PLCL2: variants seen among roughly 807,000 people sequenced by gnomAD.
PLCL2 encodes inactive phospholipase C-like protein 2.
Under a neutral mutation model 79.6 loss-of-function variants are expected in PLCL2, and 4 were observed. That is an observed-to-expected ratio of 0.05 (90% CI 0.02 to 0.11). The LOEUF (loss-of-function observed/expected upper bound fraction) is 0.11. Among genes scored for constraint, PLCL2 ranks in the 10% least tolerant of loss-of-function variants. The probability of loss-of-function intolerance (pLI) is 1.00; values close to 1 mark genes in which losing one functional copy is unlikely to be tolerated. For missense variants in PLCL2, 895 were observed against 1,291.0 expected, an observed-to-expected ratio of 0.69 and a Z score of 4.70; for synonymous variants, 484 against 457.7, an observed-to-expected ratio of 1.06 and a Z score of -0.73.
chr3:16,917,887 A>G (rs1459920683), intron 1 of PLCL2, among the ~76,000 whole-genome samples: 2 of 152,178 alleles, frequency 1.3e-5, no homozygotes, highest in Non-Finnish European at 2.9e-5. Context: ...TGTGGTGGTC[A>G]TCTTGGGAAC....
intron 1 of PLCL2, among the ~76,000 whole-genome samples, chr3:16,995,409 C>T (rs2064143749): frequency 1.3e-5 from 2 of 152,172 alleles, no homozygotes; most frequent in Admixed American, 1.3e-4. Context: ...GTCTGCAGCC[C>T]AGGAACGTGC....
At chr3:16,888,826 T>A (rs755276923) in intron 1 of PLCL2, among the ~76,000 whole-genome samples, 10 of 152,214 alleles carry the variant, frequency 6.6e-5, no homozygotes, top group Non-Finnish European at 1.5e-4. Context: ...GATGATTTAG[T>A]CAGAACTAGT....
At chr3:16,915,578 A>G (rs1696974637) in intron 1 of PLCL2, among the ~76,000 whole-genome samples, 1 of 152,054 alleles carries the variant, frequency 6.6e-6, no homozygotes. Context: ...TGCTGCTCTC[A>G]TATTTTTCCT....
At chr3:17,007,914 A>C (rs984434466) in intron 1 of PLCL2, among the ~76,000 whole-genome samples, 2 of 152,230 alleles carry the variant, frequency 1.3e-5, no homozygotes, top group African/African-American at 4.8e-5. Context: ...ACTGAAAGGC[A>C]GTATCATCTT....
intron 1 of PLCL2, among the ~76,000 whole-genome samples, chr3:16,906,731 A>G (rs959367544): frequency 1.1e-4 from 16 of 152,198 alleles, no homozygotes; most frequent in African/African-American, 3.6e-4. Context: ...AATAACTTGT[A>G]TGTCTTTTCC....
chr3:17,069,910 G>T (rs2065046609), intron 5 of PLCL2, among the ~76,000 whole-genome samples: 1 of 152,100 alleles, frequency 6.6e-6, no homozygotes, highest in Non-Finnish European at 1.5e-5. Flanking sequence ...GCAAACATAA[G>T]AATTTACAAC....
intron 1 of PLCL2, among the ~76,000 whole-genome samples, chr3:16,908,699 T>C (rs1412080465): frequency 1.3e-5 from 2 of 152,010 alleles, no homozygotes; most frequent in South Asian, 2.1e-4. Flanking sequence ...GTGACAAAGG[T>C]TGGCAGTCTG....
At chr3:16,994,831 C>T (rs1179964811) in intron 1 of PLCL2, among the ~76,000 whole-genome samples, 1 of 152,152 alleles carries the variant, frequency 6.6e-6, no homozygotes, top group Admixed American at 6.5e-5. Flanking sequence ...CTCACCACAG[C>T]TCCGTTATTA....
In PLCL2 at chr3:17,034,807, A is replaced by G. The variant is rs546650147; in HGVS notation, c.3019-8067A>G. Reference sequence around the variant, plus strand: ...TTGTTCACTGAAAGTCGCAGTTTCCAAGAAGCTGTCCATGTTAAGAGAAGA... The same window carrying G: ...TTGTTCACTGAAAGTCGCAGTTTCCGAGAAGCTGTCCATGTTAAGAGAAGA... On this transcript the variant is annotated intron_variant, in intron 3 of 5. Transcript: ENST00000615277. Among the ~76,000 whole-genome samples the G allele has an allele frequency of 2.4e-4, 37 of 152,308 alleles. 3 individuals carry two copies. In the South Asian group the frequency reaches 6.8e-3, roughly 28 times the overall value.
intron 1 of PLCL2, among the ~76,000 whole-genome samples, chr3:16,938,209 T>C (rs1697589861): frequency 6.6e-6 from 1 of 152,208 alleles, no homozygotes; most frequent in Non-Finnish European, 1.5e-5. Flanking sequence ...TTGATGATTT[T>C]ATAAAGCTTT....
chr3:17,049,410 T>C (rs1409830577), intron 4 of PLCL2, among the ~76,000 whole-genome samples: 1 of 152,218 alleles, frequency 6.6e-6, no homozygotes, highest in Non-Finnish European at 1.5e-5. Flanking sequence ...GCAGATAATA[T>C]GATCTTATGT....
chr3:17,062,407 T>A (rs192220077), intron 4 of PLCL2, among the ~76,000 whole-genome samples: 2 of 152,344 alleles, frequency 1.3e-5, no homozygotes, highest in African/African-American at 4.8e-5. Flanking sequence ...GGTTTTCAAA[T>A]GAAGTTTTTT....
intron 1 of PLCL2, among the ~76,000 whole-genome samples, chr3:16,983,692 T>C (rs1575570569): frequency 6.6e-6 from 1 of 152,288 alleles, no homozygotes; most frequent in African/African-American, 2.4e-5. Context: ...ATGGTGAGAA[T>C]TGTCCACTAC....
At chr3:17,000,557 C>G (rs930670606) in intron 1 of PLCL2, among the ~76,000 whole-genome samples, 1 of 151,870 alleles carries the variant, frequency 6.6e-6, no homozygotes, top group Non-Finnish European at 1.5e-5. Flanking sequence ...CATTTTATAC[C>G]CATTAACCAT....
chr3:17,028,203 C>G (rs1172030907), intron 3 of PLCL2, among the ~76,000 whole-genome samples: 1 of 152,110 alleles, frequency 6.6e-6, no homozygotes, highest in African/African-American at 2.4e-5. Flanking sequence ...CTCTGAAAAC[C>G]CCTCATTTCC....
chr3:16,953,380 TAAA>T (rs973772492), intron 1 of PLCL2, among the ~76,000 whole-genome samples: 9 of 152,160 alleles, frequency 5.9e-5, no homozygotes, highest in Admixed American at 1.3e-4. Flanking sequence ...CAAATTTTAA[TAAA>T]AATTAAATCT....
chr3:16,970,006 G>C (rs1029406029), intron 1 of PLCL2, among the ~76,000 whole-genome samples: 5 of 149,702 alleles, frequency 3.3e-5, no homozygotes, highest in Non-Finnish European at 3.0e-5. Context: ...CTATGTAATT[G>C]TATAGCTTTG....
At chr3:17,030,290 T>C (rs2064566845) in intron 3 of PLCL2, among the ~76,000 whole-genome samples, 1 of 152,172 alleles carries the variant, frequency 6.6e-6, no homozygotes, top group African/African-American at 2.4e-5. Flanking sequence ...TATAAGACTA[T>C]GTACCTGTAA....
chr3:17,087,998 C>T (rs1479047337), intron 5 of PLCL2, among the ~76,000 whole-genome samples: 1 of 152,098 alleles, frequency 6.6e-6, no homozygotes, highest in Non-Finnish European at 1.5e-5. Context: ...AAATTTTCAA[C>T]ATGTGAGTTC....
Sources: allele counts gnomAD v4.1 joint callset (sites outside exome capture counted in the v4.1 genomes callset), GRCh38; gene constraint gnomAD v4.1.1; transcripts MANE v1.5; gene names NCBI Gene and HGNC (gene_info 2026-07-23, HGNC 2026-07-21).